KDM5A: variants seen among roughly 807,000 people sequenced by gnomAD.
KDM5A encodes the protein lysine-specific demethylase 5A.
KDM5A carries 42 observed loss-of-function variants against 193.5 expected under a neutral mutation model. The observed-to-expected ratio is 0.22, with a 90% CI of 0.17 to 0.28. The LOEUF (loss-of-function observed/expected upper bound fraction) is 0.28. Ranked by LOEUF, KDM5A falls within the 10% of genes least tolerant of loss-of-function variation. The probability of loss-of-function intolerance (pLI) is 1.00; values close to 1 mark genes in which losing one functional copy is unlikely to be tolerated. For synonymous variants in KDM5A, 796 were observed against 718.1 expected (o/e 1.11, Z -1.73); for missense variants, 1,692 against 2,055.1 (o/e 0.82, Z 3.42).
chr12:292,981 C>G lies in KDM5A; in HGVS notation c.4644G>C (p.Leu1548=). 6.2e-7 allele frequency: 1 copy of G among 1,611,316 alleles called. No individual in the cohort carries two copies. Among genetic ancestry groups the G allele is most frequent in the Non-Finnish European group, 8.5e-7 (1 of 1,179,636 alleles). The change falls in exon 27 of 28, where the codon CTG becomes CTC. Residue 1548 remains leucine (L), a synonymous_variant. Transcript: ENST00000399788. ...LKLGADKSKE[L]NKLAKKLAKE... ...TTGCTAGTTTCTTGGCCAGTTTATTCAGCTCCTTTGATTTGTCTGCACCTA... is the reference window on the plus strand; with the variant it reads ...TTGCTAGTTTCTTGGCCAGTTTATTGAGCTCCTTTGATTTGTCTGCACCTA...
intron 3 of KDM5A, among the ~76,000 whole-genome samples, chr12:378,958 C>CAA (rs11364846): frequency 4.3e-4 from 46 of 106,164 alleles, no homozygotes; most frequent in Admixed American, 1.7e-3. Context: ...GACTCCATCT[C>CAA]AAAAAAAAAA....
chr12:344,734 C>G (rs957476643), intron 10 of KDM5A, among the ~76,000 whole-genome samples: 4 of 152,130 alleles, frequency 2.6e-5, no homozygotes, highest in Admixed American at 2.6e-4. Flanking sequence ...TTTGTCACCA[C>G]CAGGCCTGCC....
intron 24 of KDM5A, 24 bp downstream of exon 24, chr12:306,922 C>T (rs1362645319): frequency 6.2e-7 from 1 of 1,610,774 alleles, no homozygotes; most frequent in Non-Finnish European, 8.5e-7. Context: ...GGTATGTACC[C>T]ACACAGCTTG....
At position 333,570 on chromosome 12, in the gene KDM5A, C is replaced by T. The variant is rs748024384; in HGVS notation, c.1570G>A (p.Glu524Lys). The change falls in exon 12 of 28, where the codon GAG (glutamate) becomes AAG (lysine). Residue 524 changes from glutamate to lysine, a missense_variant. This residue lies in a region of KDM5A where 172 missense variants were observed against 260.3 expected (regional missense o/e 0.66). Transcript: ENST00000399788. ...AGATCAGGCTGGGATTCAAATAACT[C>T]GGGGGCCAGCTCTCTCATCACCTCC... ...LEEVMRELAPELFESQPDLLH... is the reference protein window; with the variant it reads ...LEEVMRELAPKLFESQPDLLH... 2 of 1,613,974 alleles carry T rather than the reference C, an allele frequency of 1.2e-6. No individual in the cohort carries two copies. The highest frequency in any genetic ancestry group is 1.3e-5 in the African/African-American group (1 of 74,902).
chr12:379,914 T>G (rs1944554420), intron 3 of KDM5A, among the ~76,000 whole-genome samples: 1 of 152,326 alleles, frequency 6.6e-6, no homozygotes, highest in South Asian at 2.1e-4. Flanking sequence ...CAACTAAGTA[T>G]TCAGACTAGG....
Position 311,917 on chromosome 12 carries a change from C to T in KDM5A, c.3037-853G>A, listed in dbSNP as rs570798619. Among the ~76,000 whole-genome samples, 15 of 152,232 alleles carry T rather than the reference C, an allele frequency of 9.9e-5. No individual in the cohort carries two copies. In the South Asian group the frequency reaches 2.9e-3, roughly 30 times the overall value. On this transcript the variant is annotated intron_variant, in intron 20 of 27. Transcript: ENST00000399788. ...GGCGTGCTGGCATGCGCCTGTAGTC[C>T]CAGCTACTTGGGAAGCTGAGGCAGG...
At chr12:291,018 A>G (rs2137362299) in intron 27 of KDM5A, among the ~76,000 whole-genome samples, 1 of 152,350 alleles carries the variant, frequency 6.6e-6, no homozygotes, top group Middle Eastern at 3.4e-3. Flanking sequence ...CCCAAAGAGA[A>G]AGTTAACTCT....
At position 297,046 on chromosome 12, in the gene KDM5A, GAAC is replaced by G. The variant is rs1943382600; in HGVS notation, c.4226_4228del (p.Cys1409del). Reference sequence around the variant, plus strand: ...GTTTTTTAAAGGAGTAATACCTTGAGAACAACTCTTAGAAGCAGAAGAATAAGC... The same window carrying G: ...GTTTTTTAAAGGAGTAATACCTTGAGAACTCTTAGAAGCAGAAGAATAAGC... On this transcript the variant is annotated inframe_deletion, in exon 25 of 28. Transcript: ENST00000399788. The G allele has an allele frequency of 1.2e-6, 2 of 1,613,636 alleles. No homozygotes were observed. The highest frequency in any genetic ancestry group is 1.3e-5 in the African/African-American group (1 of 74,916).
intron 8 of KDM5A, among the ~76,000 whole-genome samples, chr12:352,854 A>G (rs549882147): frequency 9.2e-5 from 14 of 152,326 alleles, no homozygotes; most frequent in African/African-American, 2.2e-4. Context: ...AGAATAGTAA[A>G]TAAGTGATAA....
rs779344739 is a variant in KDM5A at position 350,795 on chromosome 12, A to G, written c.1150-16T>C. ...TGGGAACCATCTACACAGGGAAAAAAAAGATGACAAATTATTAAACCACTA... is the reference window on the plus strand; with the variant it reads ...TGGGAACCATCTACACAGGGAAAAAGAAGATGACAAATTATTAAACCACTA... On this transcript the variant is annotated splice_polypyrimidine_tract_variant and intron_variant, in intron 9 of 27. Coordinates refer to ENST00000399788, the MANE Select transcript of KDM5A (RefSeq NM_001042603.3). 5.0e-6 allele frequency: 8 copies of G among 1,611,828 alleles called. No homozygotes were observed. The South Asian group carries it at 8.8e-5, about 18-fold the overall frequency.
In KDM5A at chr12:285,396, G is replaced by T; in HGVS notation, c.*60C>A. The stretch of plus-strand genomic sequence containing the variant: ...CAAGTGGATATAAACCACTCTACTT[G>T]ATGACTAAGGTCTCAATGTGGTCCA... On this transcript the variant is annotated 3_prime_UTR_variant, in exon 28 of 28. Transcript: ENST00000399788. 3 of 1,433,490 alleles carry T rather than the reference G, an allele frequency of 2.1e-6. No homozygotes were observed. The highest frequency in any genetic ancestry group is 3.0e-6 in the Non-Finnish European group (3 of 1,016,476). 88.8% of individuals were successfully genotyped at this position (1,433,490 alleles called of 1,614,324 possible). A position where few individuals can be genotyped will look rare whatever the true frequency, so the allele number is the denominator to read the frequency against.
At chr12:373,965 T>C (rs1435187450) in intron 3 of KDM5A, among the ~76,000 whole-genome samples, 1 of 152,206 alleles carries the variant, frequency 6.6e-6, no homozygotes, top group Non-Finnish European at 1.5e-5. Flanking sequence ...TAATTTCTGG[T>C]CTTTTTCATT....
chr12:340,124 T>C (rs1028310235), intron 10 of KDM5A, among the ~76,000 whole-genome samples: 2 of 152,006 alleles, frequency 1.3e-5, no homozygotes, highest in Non-Finnish European at 2.9e-5. Flanking sequence ...AAGATCCACC[T>C]GCCTCAGCCT....
At chr12:372,642 G>A (rs1316133066) in intron 3 of KDM5A, among the ~76,000 whole-genome samples, 1 of 152,186 alleles carries the variant, frequency 6.6e-6, no homozygotes, top group Non-Finnish European at 1.5e-5. Flanking sequence ...AATAGGAGTG[G>A]TGAGAGAGGG....
chr12:288,803 TC>T (rs1384009703), intron 27 of KDM5A, among the ~76,000 whole-genome samples: 1 of 152,232 alleles, frequency 6.6e-6, no homozygotes, highest in African/African-American at 2.4e-5. Flanking sequence ...TGACCAATCC[TC>T]CCAATTTGCC....
intron 3 of KDM5A, among the ~76,000 whole-genome samples, chr12:381,243 C>T (rs182417097): frequency 6.6e-6 from 1 of 152,270 alleles, no homozygotes; most frequent in Non-Finnish European, 1.5e-5. Context: ...ATCCTCCTGC[C>T]TCAGCCTCCC....
intron 8 of KDM5A, among the ~76,000 whole-genome samples, chr12:353,279 G>A (rs1352062011): frequency 6.6e-6 from 1 of 152,132 alleles, no homozygotes; most frequent in Non-Finnish European, 1.5e-5. Context: ...GCAGTGAGCT[G>A]AGACCGCGCC....
intron 3 of KDM5A, among the ~76,000 whole-genome samples, chr12:378,268 A>C (rs1268388985): frequency 6.6e-6 from 1 of 152,004 alleles, no homozygotes; most frequent in Non-Finnish European, 1.5e-5. Context: ...TTTTCATTTT[A>C]AGCCCCCTTT....
chr12:283,465 T>C lies in KDM5A; in HGVS notation c.*1991A>G, dbSNP rs1943179828. On this transcript the variant is annotated 3_prime_UTR_variant, in exon 28 of 28. Transcript: ENST00000399788. ...ACAAGTCAAAACACTCAAAATGTTA[T>C]ACAGTATTAAGAATGAATAAAAAGT... The C allele has an allele frequency of 4.3e-6, 1 of 233,018 alleles. No homozygotes were observed. The highest frequency in any genetic ancestry group is 8.5e-6 in the Non-Finnish European group (1 of 117,632). 14.4% of individuals were successfully genotyped at this position (233,018 alleles called of 1,614,324 possible). A position where few individuals can be genotyped will look rare whatever the true frequency, so the allele number is the denominator to read the frequency against.
Sources: allele counts gnomAD v4.1 joint callset (sites outside exome capture counted in the v4.1 genomes callset), GRCh38; gene constraint gnomAD v4.1.1; regional missense constraint gnomAD v4.1.1; transcripts MANE v1.5; gene names NCBI Gene and HGNC (gene_info 2026-07-23, HGNC 2026-07-21).